Variants in GPD2 observed in about 807,000 individuals in gnomAD.
The protein encoded by GPD2 is glycerol-3-phosphate dehydrogenase, mitochondrial.
A neutral mutation model predicts 82.4 loss-of-function variants in GPD2; 54 were observed. That is an observed-to-expected ratio of 0.66 (90% confidence interval 0.53 to 0.82). GPD2 has a LOEUF of 0.82. GPD2 is among the 40% of genes least tolerant of loss of function. The pLI is 0.00. For missense variants in GPD2, 748 were observed against 896.2 expected (o/e 0.83, Z 2.11); for synonymous variants, 288 against 306.1 (o/e 0.94, Z 0.62).
At chr2:156,531,359 A>T (rs2105306415) in intron 6 of GPD2, among the ~76,000 whole-genome samples, 1 of 152,318 alleles carries the variant, frequency 6.6e-6, no homozygotes, top group Middle Eastern at 3.4e-3. Flanking sequence ...GGTCAGGAGA[A>T]CACAGACAGG....
At chr2:156,436,074 G>T (rs749844964), upstream of GPD2, among the ~76,000 whole-genome samples, 2 of 152,212 alleles carry the variant, frequency 1.3e-5, no homozygotes, top group African/African-American at 4.8e-5. Context: ...CCGGCGGCAG[G>T]ACCCGCGTCC....
intron 6 of GPD2, among the ~76,000 whole-genome samples, chr2:156,517,433 G>A (rs1573953475): frequency 6.6e-6 from 1 of 152,344 alleles, no homozygotes; most frequent in East Asian, 1.9e-4. Context: ...AAATCCATAT[G>A]AAATGAAAAT....
chr2:156,522,104 A>G (rs1685430444), intron 6 of GPD2, among the ~76,000 whole-genome samples: 1 of 152,086 alleles, frequency 6.6e-6, no homozygotes, highest in South Asian at 2.1e-4. Context: ...TTGAATAAAT[A>G]GGACACACTG....
chr2:156,439,920 G>A (rs544775811), intron 1 of GPD2, among the ~76,000 whole-genome samples: 4 of 151,984 alleles, frequency 2.6e-5, no homozygotes, highest in South Asian at 4.1e-4. Flanking sequence ...TTTGACAATG[G>A]GGTATATTTT....
At chr2:156,436,711 G>A (rs943234573) in intron 1 of GPD2, 198 bp downstream of exon 1, 1 of 152,204 alleles carries the variant, frequency 6.6e-6, no homozygotes, top group African/African-American at 2.4e-5. Flanking sequence ...TTATGTTTTG[G>A]AGGCGGCATT....
At chr2:156,478,447 C>T (rs1683595216) in intron 2 of GPD2, among the ~76,000 whole-genome samples, 2 of 151,946 alleles carry the variant, frequency 1.3e-5, no homozygotes, top group Non-Finnish European at 2.9e-5. Context: ...TAAGATACTG[C>T]CATTAGCATG....
the GPD2 span, among the ~76,000 whole-genome samples, chr2:156,410,836 A>T: frequency 6.6e-6 from 1 of 152,064 alleles, no homozygotes; most frequent in Non-Finnish European, 1.5e-5. Flanking sequence ...TTACTTGGAG[A>T]CCTCTTCACT....
At chr2:156,469,886 G>A (rs933298513) in intron 1 of GPD2, among the ~76,000 whole-genome samples, 1 of 152,208 alleles carries the variant, frequency 6.6e-6, no homozygotes, top group Non-Finnish European at 1.5e-5. Context: ...TTGTAAACAT[G>A]AAGGTGTTAC....
At chr2:156,479,476 G>A (rs923930288) in intron 2 of GPD2, among the ~76,000 whole-genome samples, 5 of 152,158 alleles carry the variant, frequency 3.3e-5, no homozygotes, top group Non-Finnish European at 7.3e-5. Flanking sequence ...ATGATGAATA[G>A]TGCCCACTGT....
intron 1 of GPD2, among the ~76,000 whole-genome samples, chr2:156,438,608 A>G (rs1054672465): frequency 4.6e-5 from 7 of 152,146 alleles, no homozygotes; most frequent in African/African-American, 1.4e-4. Context: ...GAATGTGATG[A>G]TGTTTCTGTT....
intron 3 of GPD2, among the ~76,000 whole-genome samples, chr2:156,509,324 C>T (rs758909418): frequency 2.0e-4 from 31 of 152,012 alleles, no homozygotes; most frequent in Admixed American, 8.5e-4. Flanking sequence ...CATTTGGGTA[C>T]GATATTTAAA....
rs1291352192 is a variant in GPD2 at position 156,550,695 on chromosome 2, CT to C, written c.921del (p.Ile308SerfsTer11). The C allele has an allele frequency of 2.5e-6, 4 of 1,613,778 alleles. No homozygotes were observed. The highest frequency in any genetic ancestry group is 3.4e-6 in the Non-Finnish European group (4 of 1,179,680). On this transcript the variant is annotated frameshift_variant, in exon 8 of 17. Coordinates refer to ENST00000438166, the MANE Select transcript of GPD2 (RefSeq NM_000408.5). LOFTEE classifies it high-confidence loss of function. ...AAAATGGATGATAAAGACGCAGCAG[CT>C]ATCTGCCAGCCAAGTGCTGGTGTCC... ...VRKMDDKDAAAICQPSAGVHI... is the reference protein window; with the variant it reads ...VRKMDDKDAAXICQPSAGVHI...
intron 6 of GPD2, among the ~76,000 whole-genome samples, chr2:156,522,834 T>C (rs1437954476): frequency 6.6e-6 from 1 of 152,192 alleles, no homozygotes; most frequent in Non-Finnish European, 1.5e-5. Flanking sequence ...TGAAGATAAT[T>C]TTATTTTTTA....
intron 15 of GPD2, 148 bp downstream of exon 15, chr2:156,579,312 T>G: frequency 1.7e-6 from 1 of 590,566 alleles, no homozygotes; most frequent in South Asian, 2.2e-5. Flanking sequence ...ATTTATAATT[T>G]TTTTTCTTTT....
chr2:156,532,077 A>ACTGCCCC (rs1250351549), intron 6 of GPD2, among the ~76,000 whole-genome samples: 5 of 152,292 alleles, frequency 3.3e-5, no homozygotes, highest in African/African-American at 1.2e-4. Flanking sequence ...ATCACAACTC[A>ACTGCCCC]CTGCAGTCTT....
chr2:156,551,937 C>G (rs916705762), intron 8 of GPD2, among the ~76,000 whole-genome samples: 1 of 152,092 alleles, frequency 6.6e-6, no homozygotes, highest in Non-Finnish European at 1.5e-5. Context: ...AGGGAATATA[C>G]AGCTTTTAAT....
intron 6 of GPD2, among the ~76,000 whole-genome samples, chr2:156,526,259 C>T (rs1251355000): frequency 6.6e-6 from 1 of 152,102 alleles, no homozygotes; most frequent in Non-Finnish European, 1.5e-5. Flanking sequence ...AAAATAAAAT[C>T]TTATTTCCTT....
chr2:156,534,175 C>T (rs181188625), intron 6 of GPD2, among the ~76,000 whole-genome samples: 4 of 152,262 alleles, frequency 2.6e-5, no homozygotes, highest in Admixed American at 1.3e-4. Context: ...GGAGTTTGGC[C>T]GTCCTGTGGC....
At chr2:156,519,477 C>T (rs958061068) in intron 6 of GPD2, among the ~76,000 whole-genome samples, 2 of 152,182 alleles carry the variant, frequency 1.3e-5, no homozygotes, top group Non-Finnish European at 2.9e-5. Flanking sequence ...TTCATCTTAA[C>T]ATAATGCATT....
Sources: allele counts gnomAD v4.1 joint callset (sites outside exome capture counted in the v4.1 genomes callset), GRCh38; gene constraint gnomAD v4.1.1; transcripts MANE v1.5; gene names NCBI Gene and HGNC (gene_info 2026-07-23, HGNC 2026-07-21).